Variants in CADM2 observed in about 807,000 individuals in gnomAD.
The protein encoded by CADM2 is immunoglobulin superfamily member 4D.
A neutral mutation model predicts 49.8 loss-of-function variants in CADM2; 12 were observed. The ratio of observed to expected loss-of-function variants is 0.24; its 90% CI spans 0.15 to 0.39. The LOEUF (loss-of-function observed/expected upper bound fraction) is 0.39. CADM2 is among the 10% of genes least tolerant of loss of function. The pLI is 1.00. For missense variants in CADM2, 378 were observed against 492.3 expected (o/e 0.77, Z 2.20); for synonymous variants, 214 against 175.4 (o/e 1.22, Z -1.74).
chr3:85,751,807 C>A (rs1162152358), intron 2 of CADM2, among the ~76,000 whole-genome samples: 5 of 152,204 alleles, frequency 3.3e-5, no homozygotes, highest in Admixed American at 2.6e-4. Context: ...ATTCTGTTTG[C>A]TTTTATTTTA....
intron 1 of CADM2, among the ~76,000 whole-genome samples, chr3:85,397,783 T>C (rs1038736800): frequency 3.9e-5 from 6 of 152,242 alleles, no homozygotes; most frequent in African/African-American, 1.4e-4. Context: ...TTGGGGATGA[T>C]GGAATAAGTT....
intron 1 of CADM2, among the ~76,000 whole-genome samples, chr3:85,308,963 A>G (rs1293407146): frequency 6.6e-6 from 1 of 152,138 alleles, no homozygotes; most frequent in Non-Finnish European, 1.5e-5. Context: ...AACGGACAAC[A>G]GACACTGATG....
intron 1 of CADM2, among the ~76,000 whole-genome samples, chr3:85,701,427 C>T (rs973958516): frequency 5.9e-5 from 9 of 152,078 alleles, no homozygotes; most frequent in African/African-American, 2.2e-4. Flanking sequence ...ACATACTTGT[C>T]CAGATTTAAA....
At chr3:85,190,025 A>G (rs1265926043) in intron 1 of CADM2, among the ~76,000 whole-genome samples, 1 of 142,650 alleles carries the variant, frequency 7.0e-6, no homozygotes, top group Non-Finnish European at 1.5e-5. Context: ...GGAGCAACAG[A>G]GTGAGACAGA....
chr3:85,320,874 G>T (rs1444314748), intron 1 of CADM2, among the ~76,000 whole-genome samples: 1 of 150,956 alleles, frequency 6.6e-6, no homozygotes, highest in Non-Finnish European at 1.5e-5. Flanking sequence ...ATCTCTGAAA[G>T]GAAGTACACT....
At chr3:85,171,064 G>A (rs2040612161) in intron 1 of CADM2, among the ~76,000 whole-genome samples, 1 of 152,090 alleles carries the variant, frequency 6.6e-6, no homozygotes, top group Non-Finnish European at 1.5e-5. Context: ...TGAAACAAAT[G>A]TTTTAATTTT....
At chr3:85,898,864 A>C (rs2108442439) in intron 5 of CADM2, among the ~76,000 whole-genome samples, 1 of 144,386 alleles carries the variant, frequency 6.9e-6, no homozygotes, top group African/African-American at 2.6e-5. Context: ...GTAGCCATAT[A>C]TTTAATTTTT....
chr3:85,672,956 T>TAA, intron 1 of CADM2, among the ~76,000 whole-genome samples: 1 of 152,190 alleles, frequency 6.6e-6, no homozygotes, highest in Non-Finnish European at 1.5e-5. Context: ...CATGTTTCTG[T>TAA]AGTTTTCCCC....
chr3:85,152,963 C>CAA (rs61549751), intron 1 of CADM2, among the ~76,000 whole-genome samples: 11,794 of 80,262 alleles, frequency 0.15, 649 homozygotes, highest in African/African-American at 0.23. Context: ...GACTCCATCT[C>CAA]AAAAAAAAAA....
rs1177406723 is a variant in CADM2 at position 85,292,888 on chromosome 3, G to A, written c.61+333220G>A. Among the ~76,000 whole-genome samples the A allele has an allele frequency of 1.2e-4, 18 of 152,076 alleles. No homozygotes were observed. The East Asian group carries it at 2.5e-3, about 21-fold the overall frequency. ...CATCACAATTAAAAGAACTAGAAAA[G>A]CAAGAGCAAACACATTCAAAAGCTA... is the stretch of plus-strand genomic sequence containing the variant. On this transcript the variant is annotated intron_variant, in intron 1 of 9. Coordinates refer to ENST00000383699, the MANE Select transcript of CADM2 (RefSeq NM_001167675.2).
chr3:85,680,292 A>T (rs1008206455), intron 1 of CADM2, among the ~76,000 whole-genome samples: 6 of 152,156 alleles, frequency 3.9e-5, no homozygotes, highest in Non-Finnish European at 7.4e-5. Flanking sequence ...GGTTAAAAGA[A>T]TCATTTTGGT....
At chr3:85,633,150 A>G (rs2064361888) in intron 1 of CADM2, among the ~76,000 whole-genome samples, 1 of 152,040 alleles carries the variant, frequency 6.6e-6, no homozygotes, top group African/African-American at 2.4e-5. Flanking sequence ...TTGAGAATTA[A>G]ACCATGATTA....
intron 1 of CADM2, among the ~76,000 whole-genome samples, chr3:85,597,457 T>C (rs965141648): frequency 2.6e-5 from 4 of 152,152 alleles, no homozygotes; most frequent in Non-Finnish European, 4.4e-5. Context: ...TTTTATTCTA[T>C]ATCTTGCTTG....
chr3:86,057,828 A>G (rs1738172695), intron 8 of CADM2, among the ~76,000 whole-genome samples: 1 of 152,156 alleles, frequency 6.6e-6, no homozygotes, highest in South Asian at 2.1e-4. Context: ...ATTCTCCATC[A>G]TGATAGAAAA....
chr3:85,172,252 T>C (rs1384056045), intron 1 of CADM2, among the ~76,000 whole-genome samples: 1 of 152,184 alleles, frequency 6.6e-6, no homozygotes, highest in African/African-American at 2.4e-5. Flanking sequence ...CCTAAGCTTC[T>C]GCAAGTCATT....
intron 1 of CADM2, among the ~76,000 whole-genome samples, chr3:85,011,889 A>T (rs924446706): frequency 5.9e-5 from 9 of 152,322 alleles, no homozygotes; most frequent in African/African-American, 1.9e-4. Context: ...AAATAAATAA[A>T]ATAAAACTTA....
At chr3:85,205,692 TA>T (rs1430829578) in intron 1 of CADM2, among the ~76,000 whole-genome samples, 1 of 152,094 alleles carries the variant, frequency 6.6e-6, no homozygotes, top group East Asian at 1.9e-4. Flanking sequence ...ACATATTATT[TA>T]AAAACTTTTC....
intron 1 of CADM2, among the ~76,000 whole-genome samples, chr3:85,525,869 C>T (rs111770972): frequency 2.0e-5 from 3 of 152,138 alleles, no homozygotes; most frequent in African/African-American, 7.2e-5. Context: ...TCACACTGTA[C>T]TTTTAATTAA....
At chr3:85,964,820 T>C (rs1725277378) in intron 8 of CADM2, among the ~76,000 whole-genome samples, 1 of 151,832 alleles carries the variant, frequency 6.6e-6, no homozygotes, top group Non-Finnish European at 1.5e-5. Context: ...ATAATTATAC[T>C]AATTAATTCC....
Sources: allele counts gnomAD v4.1 joint callset (sites outside exome capture counted in the v4.1 genomes callset), GRCh38; gene constraint gnomAD v4.1.1; transcripts MANE v1.5; gene names NCBI Gene and HGNC (gene_info 2026-07-23, HGNC 2026-07-21).